GRIN2A: variants seen among roughly 807,000 people sequenced by gnomAD.
GRIN2A encodes the protein glutamate receptor ionotropic, NMDA 2A.
A neutral mutation model predicts 113.4 loss-of-function variants in GRIN2A; 22 were observed. The observed-to-expected ratio is 0.19, with a 90% confidence interval of 0.14 to 0.28. GRIN2A has a LOEUF of 0.28. GRIN2A is among the 10% of genes least tolerant of loss of function. The pLI is 1.00. For synonymous variants in GRIN2A, 827 were observed against 738.4 expected (o/e 1.12, Z -1.94); for missense variants, 1,502 against 1,887.0 (o/e 0.80, Z 3.78).
At chr16:10,145,618 G>C (rs1394886556) in intron 2 of GRIN2A, among the ~76,000 whole-genome samples, 2 of 152,120 alleles carry the variant, frequency 1.3e-5, no homozygotes, top group Admixed American at 6.5e-5. Flanking sequence ...ATAGCAATAA[G>C]TTTATTCTGA....
chr16:9,950,416 T>C (rs2045150537), intron 2 of GRIN2A, among the ~76,000 whole-genome samples: 1 of 152,038 alleles, frequency 6.6e-6, no homozygotes, highest in Non-Finnish European at 1.5e-5. Flanking sequence ...AAAAAGAAAC[T>C]ACCAAGGGTC....
chr16:9,842,606 A>T (rs2042700010), intron 5 of GRIN2A, among the ~76,000 whole-genome samples: 1 of 152,226 alleles, frequency 6.6e-6, no homozygotes, highest in African/African-American at 2.4e-5. Context: ...ATAAAAACAG[A>T]TGAGCTTATG....
chr16:9,826,610 AC>A (rs373465258), intron 9 of GRIN2A, among the ~76,000 whole-genome samples: 11 of 151,970 alleles, frequency 7.2e-5, no homozygotes, highest in African/African-American at 2.6e-4. Context: ...TTTTTTGCAG[AC>A]TTTCTTGGTG....
chr16:9,858,130 T>G (rs2141389588), intron 4 of GRIN2A, among the ~76,000 whole-genome samples: 1 of 152,332 alleles, frequency 6.6e-6, no homozygotes, highest in African/African-American at 2.4e-5. Flanking sequence ...AATGAGAGTT[T>G]TCCCTGGGAC....
At chr16:9,921,081 G>A (rs1431238355) in intron 3 of GRIN2A, among the ~76,000 whole-genome samples, 1 of 152,062 alleles carries the variant, frequency 6.6e-6, no homozygotes, top group Non-Finnish European at 1.5e-5. Context: ...AGCTTTTGAC[G>A]ATTCTTATAA....
intron 10 of GRIN2A, among the ~76,000 whole-genome samples, chr16:9,816,295 C>G (rs2042184194): frequency 6.6e-6 from 1 of 152,182 alleles, no homozygotes; most frequent in Non-Finnish European, 1.5e-5. Flanking sequence ...ATAAAAAATA[C>G]TGGGAAAAAA....
At chr16:9,831,459 T>G (rs937993973) in intron 8 of GRIN2A, among the ~76,000 whole-genome samples, 1 of 151,942 alleles carries the variant, frequency 6.6e-6, no homozygotes, top group Non-Finnish European at 1.5e-5. Context: ...GTGACCTTTT[T>G]GCTCTGTACA....
At chr16:9,766,532 A>C (rs1408274484) in intron 12 of GRIN2A, among the ~76,000 whole-genome samples, 2 of 152,150 alleles carry the variant, frequency 1.3e-5, no homozygotes, top group Non-Finnish European at 2.9e-5. Flanking sequence ...CCTTTCCTGC[A>C]TTCCTGCAAA....
intron 2 of GRIN2A, among the ~76,000 whole-genome samples, chr16:10,068,600 C>T (rs1173025369): frequency 6.6e-6 from 1 of 152,230 alleles, no homozygotes; most frequent in Non-Finnish European, 1.5e-5. Flanking sequence ...ACACTTCCCA[C>T]CAGGCCCCAC....
chr16:9,904,173 T>G (rs1725621663), intron 3 of GRIN2A, among the ~76,000 whole-genome samples: 2 of 152,194 alleles, frequency 1.3e-5, no homozygotes. Context: ...TATACCAAAC[T>G]ATCACAGTGT....
intron 3 of GRIN2A, among the ~76,000 whole-genome samples, chr16:9,891,718 G>C (rs1323885352): frequency 6.6e-6 from 1 of 152,184 alleles, no homozygotes; most frequent in Admixed American, 6.5e-5. Flanking sequence ...AGCTTGACCT[G>C]AAGGCTCAAT....
In GRIN2A at chr16:9,829,185, C is replaced by T. The variant is rs75146800; in HGVS notation, c.2007+238G>A. The stretch of plus-strand genomic sequence containing the variant: ...CATATAAATAGGAAACACGACCACT[C>T]GGGGAAGCCAGGCTTCCAAATTAGA... On this transcript the variant is annotated intron_variant, in intron 9 of 12. Transcript: ENST00000330684. 0.012 allele frequency among the ~76,000 whole-genome samples: 1,871 copies of T among 152,268 alleles called. 42 individuals carry two copies. Among genetic ancestry groups the T allele is most frequent in the African/African-American group, 0.043 (1,778 of 41,532 alleles).
rs1819786575 is a variant in GRIN2A at position 9,849,319 on chromosome 16, A to G, written c.1328+437T>C. Among the ~76,000 whole-genome samples the G allele has an allele frequency of 3.3e-5, 5 of 150,352 alleles. No individual in the cohort carries two copies. In the South Asian group the frequency reaches 1.0e-3, roughly 31 times the overall value. ...TTAAAAATATAAAGATATTTTTTGA[A>G]TATGTATGTTCAAAAATAAATAAAT... On this transcript the variant is annotated intron_variant, in intron 5 of 12. Transcript: ENST00000330684.
At chr16:10,008,455 G>C (rs913304582) in intron 2 of GRIN2A, among the ~76,000 whole-genome samples, 1 of 152,166 alleles carries the variant, frequency 6.6e-6, no homozygotes, top group Non-Finnish European at 1.5e-5. Context: ...TTGTTTTGTA[G>C]AGCATAAGAA....
chr16:9,874,871 G>A (rs1251581220), intron 4 of GRIN2A, among the ~76,000 whole-genome samples: 3 of 151,798 alleles, frequency 2.0e-5, no homozygotes, highest in Non-Finnish European at 2.9e-5. Flanking sequence ...AGATTGCCTG[G>A]GCTCAGGAAT....
intron 4 of GRIN2A, among the ~76,000 whole-genome samples, chr16:9,862,483 T>C (rs1243889387): frequency 6.6e-6 from 1 of 152,186 alleles, no homozygotes; most frequent in East Asian, 1.9e-4. Flanking sequence ...ATTCTCCTCT[T>C]GAGGCTCAGC....
chr16:9,807,535 A>ATGAT (rs888164055), intron 10 of GRIN2A, among the ~76,000 whole-genome samples: 2 of 152,290 alleles, frequency 1.3e-5, no homozygotes, highest in East Asian at 1.9e-4. Flanking sequence ...AAGGATTGAA[A>ATGAT]TGATTGTCCA....
intron 2 of GRIN2A, among the ~76,000 whole-genome samples, chr16:10,062,757 C>T (rs1456224292): frequency 6.6e-6 from 1 of 151,780 alleles, no homozygotes; most frequent in South Asian, 2.1e-4. Context: ...CCCGGCTACT[C>T]GGGAGGCAGT....
chr16:9,812,627 G>C (rs1021225255), intron 10 of GRIN2A, among the ~76,000 whole-genome samples: 1 of 151,784 alleles, frequency 6.6e-6, no homozygotes, highest in African/African-American at 2.4e-5. Flanking sequence ...GACAGAGCGA[G>C]ACTCTGTCTC....
Sources: allele counts gnomAD v4.1 joint callset (sites outside exome capture counted in the v4.1 genomes callset), GRCh38; gene constraint gnomAD v4.1.1; transcripts MANE v1.5; gene names NCBI Gene and HGNC (gene_info 2026-07-23, HGNC 2026-07-21).